RHOU: variants seen among roughly 807,000 people sequenced by gnomAD.
The protein encoded by RHOU is rho-related GTP-binding protein RhoU.
Under a neutral mutation model 12.6 loss-of-function variants are expected in RHOU, and 8 were observed. That is an observed-to-expected ratio of 0.64 (90% CI 0.37 to 1.15). RHOU has a LOEUF of 1.15. RHOU is among the 50% of genes most tolerant of loss of function. RHOU has a pLI of 0.01. For synonymous variants in RHOU, 161 were observed against 147.4 expected, an observed-to-expected ratio of 1.09 and a Z score of -0.67; for missense variants, 258 against 347.0, an observed-to-expected ratio of 0.74 and a Z score of 2.04.
chr1:228,655,106 CTTTT>C, the RHOU span, among the ~76,000 whole-genome samples: 1 of 137,036 alleles, frequency 7.3e-6, no homozygotes, highest in Admixed American at 7.4e-5. Context: ...ATTAACCTTG[CTTTT>C]TTTTTTTTTT....
the RHOU span, among the ~76,000 whole-genome samples, chr1:228,685,446 G>C: frequency 6.6e-6 from 1 of 152,176 alleles, no homozygotes; most frequent in Non-Finnish European, 1.5e-5. Flanking sequence ...ACTAGAAAGA[G>C]AGCAAATGCT....
At chr1:228,677,785 G>T in the RHOU span, among the ~76,000 whole-genome samples, 2 of 152,192 alleles carry the variant, frequency 1.3e-5, no homozygotes, top group South Asian at 4.1e-4. Context: ...GCTTAAGGGT[G>T]GCGATTTGAG....
chr1:228,700,171 T>C, the RHOU span, among the ~76,000 whole-genome samples: 1 of 152,340 alleles, frequency 6.6e-6, no homozygotes. Flanking sequence ...TCCTCTTAAC[T>C]ACGAATTTTG....
At chr1:228,707,127 C>CACATACACAT in the RHOU span, among the ~76,000 whole-genome samples, 2 of 76,796 alleles carry the variant, frequency 2.6e-5, no homozygotes, top group African/African-American at 1.3e-4. Context: ...TATATATATA[C>CACATACACAT]ATATATATAT....
the RHOU span, among the ~76,000 whole-genome samples, chr1:228,664,778 C>A: frequency 3.3e-5 from 5 of 152,212 alleles, no homozygotes; most frequent in African/African-American, 1.2e-4. Flanking sequence ...GGTTTACAGG[C>A]GCCTGCCACC....
chr1:228,699,203 C>T, the RHOU span, among the ~76,000 whole-genome samples: 101 of 151,268 alleles, frequency 6.7e-4, 1 homozygote, highest in Non-Finnish European at 4.4e-4. Flanking sequence ...GAAGCTGAGG[C>T]AGGAGGCTGA....
At chr1:228,654,835 G>C in the RHOU span, among the ~76,000 whole-genome samples, 1 of 151,970 alleles carries the variant, frequency 6.6e-6, no homozygotes, top group African/African-American at 2.4e-5. Flanking sequence ...CCCAGTCATG[G>C]GATACCAGAT....
At chr1:228,707,123 T>C in the RHOU span, among the ~76,000 whole-genome samples, 2 of 81,170 alleles carry the variant, frequency 2.5e-5, no homozygotes, top group South Asian at 6.5e-4. Flanking sequence ...TATATATATA[T>C]ATACATATAT....
At chr1:228,708,868 T>C in the RHOU span, among the ~76,000 whole-genome samples, 12 of 152,298 alleles carry the variant, frequency 7.9e-5, no homozygotes, top group Admixed American at 2.6e-4. Context: ...ACTGTCAAAT[T>C]GGATAAAGAG....
the RHOU span, among the ~76,000 whole-genome samples, chr1:228,677,046 G>A: frequency 2.6e-5 from 4 of 152,230 alleles, no homozygotes; most frequent in East Asian, 5.8e-4. Flanking sequence ...GTAAAGTGTT[G>A]GGGCGGTGAA....
chr1:228,674,346 CT>C, the RHOU span, among the ~76,000 whole-genome samples: 964 of 135,912 alleles, frequency 7.1e-3, 3 homozygotes, highest in Middle Eastern at 0.038. Flanking sequence ...TGTTTAGTAC[CT>C]TTTTTTTTTT....
the RHOU span, among the ~76,000 whole-genome samples, chr1:228,715,113 C>T: frequency 1.3e-5 from 2 of 151,708 alleles, no homozygotes; most frequent in Non-Finnish European, 2.9e-5. Flanking sequence ...TCCTGTCACA[C>T]TAATTTCTTT....
upstream of RHOU, among the ~76,000 whole-genome samples, chr1:228,730,795 T>C (rs903217378): frequency 1.3e-5 from 2 of 152,156 alleles, no homozygotes; most frequent in Non-Finnish European, 2.9e-5. Flanking sequence ...CCTGCTAAAA[T>C]GAAAGATCCA....
the RHOU span, among the ~76,000 whole-genome samples, chr1:228,651,874 A>G: frequency 6.7e-4 from 102 of 152,276 alleles, no homozygotes; most frequent in African/African-American, 2.2e-3. Context: ...AAGTAACCCT[A>G]CAGGGTTTGT....
chr1:228,739,068 C>T (rs1261300625), intron 2 of RHOU, among the ~76,000 whole-genome samples: 1 of 152,040 alleles, frequency 6.6e-6, no homozygotes, highest in Admixed American at 6.6e-5. Flanking sequence ...CTGTAGTGAG[C>T]TATGATGGTG....
the RHOU span, chr1:228,687,484 T>C: frequency 1.3e-6 from 2 of 1,578,776 alleles, no homozygotes; most frequent in South Asian, 1.1e-5. Context: ...GCTGAGAAAC[T>C]GATGAAGCTG....
the RHOU span, among the ~76,000 whole-genome samples, chr1:228,723,888 A>G: frequency 2.6e-5 from 4 of 151,958 alleles, no homozygotes; most frequent in African/African-American, 9.7e-5. Context: ...CTTCTCCAAC[A>G]CGGAGACAGT....
the RHOU span, among the ~76,000 whole-genome samples, chr1:228,707,264 G>T: frequency 1.0e-5 from 1 of 98,250 alleles, no homozygotes; most frequent in African/African-American, 5.7e-5. Flanking sequence ...TAGTGTGTGT[G>T]TGTGTGTGTG....
rs1402882400 is a variant in RHOU at position 228,744,317 on chromosome 1, A to C, written c.*577A>C. The stretch of plus-strand genomic sequence containing the variant: ...GTCAATTGCTAATACCCAGTTACTT[A>C]TGATTTAAAAACAACCAACAGAAAA... On this transcript the variant is annotated 3_prime_UTR_variant, in exon 3 of 3. Coordinates refer to ENST00000366691, the MANE Select transcript of RHOU (RefSeq NM_021205.6). The C allele has an allele frequency of 6.6e-6, 1 of 152,384 alleles. No individual in the cohort carries two copies. The highest frequency in any genetic ancestry group is 1.5e-5 in the Non-Finnish European group (1 of 68,164). 9.4% of individuals were successfully genotyped at this position (152,384 alleles called of 1,614,324 possible).
Sources: allele counts gnomAD v4.1 joint callset (sites outside exome capture counted in the v4.1 genomes callset), GRCh38; gene constraint gnomAD v4.1.1; transcripts MANE v1.5; gene names NCBI Gene and HGNC (gene_info 2026-07-23, HGNC 2026-07-21).